The following FBXL17 variants were observed in gnomAD, a reference collection of about 807,000 sequenced individuals.
FBXL17 encodes the protein F-box/LRR-repeat protein 17.
FBXL17 carries 22 observed loss-of-function variants against 66.2 expected under a neutral mutation model. The ratio of observed to expected loss-of-function variants is 0.33; its 90% CI spans 0.24 to 0.47. The LOEUF is 0.47. Among genes scored for constraint, FBXL17 ranks in the 20% least tolerant of loss-of-function variants. FBXL17 has a pLI of 1.00. For synonymous variants in FBXL17, 474 were observed against 400.5 expected (o/e 1.18, Z -2.19); for missense variants, 878 against 948.2 (o/e 0.93, Z 0.97).
At chr5:108,256,717 TTTAC>T (rs1357923287) in intron 4 of FBXL17, among the ~76,000 whole-genome samples, 2 of 152,122 alleles carry the variant, frequency 1.3e-5, no homozygotes, top group Non-Finnish European at 2.9e-5. Flanking sequence ...ACATTTAGTC[TTTAC>T]TTAGTTATGA....
At chr5:108,155,978 C>A (rs1035753479) in intron 6 of FBXL17, among the ~76,000 whole-genome samples, 3 of 151,942 alleles carry the variant, frequency 2.0e-5, no homozygotes, top group East Asian at 1.9e-4. Context: ...AAAAGGCTAC[C>A]TTTTGCTGGA....
intron 6 of FBXL17, among the ~76,000 whole-genome samples, chr5:108,181,591 G>T (rs1295942960): frequency 6.6e-6 from 1 of 152,108 alleles, no homozygotes; most frequent in Non-Finnish European, 1.5e-5. Flanking sequence ...AAAGTTCACA[G>T]ATAAGAATTA....
chr5:108,286,068 A>G (rs1361668756), intron 4 of FBXL17, among the ~76,000 whole-genome samples: 2 of 152,000 alleles, frequency 1.3e-5, no homozygotes, highest in African/African-American at 4.8e-5. Flanking sequence ...ACATGCAGAA[A>G]AGGCTTTCAA....
At chr5:107,960,658 G>A (rs1176847710) in intron 7 of FBXL17, among the ~76,000 whole-genome samples, 3 of 152,084 alleles carry the variant, frequency 2.0e-5, no homozygotes, top group African/African-American at 7.2e-5. Flanking sequence ...AATCCATGTT[G>A]TCCCAAAGTA....
intron 4 of FBXL17, among the ~76,000 whole-genome samples, chr5:108,267,500 T>C (rs1235973061): frequency 2.0e-5 from 3 of 152,088 alleles, no homozygotes; most frequent in Non-Finnish European, 4.4e-5. Context: ...CTCCTACTAG[T>C]CATAAGTAGT....
At chr5:107,997,246 T>A (rs957868717) in intron 7 of FBXL17, among the ~76,000 whole-genome samples, 5 of 152,220 alleles carry the variant, frequency 3.3e-5, no homozygotes, top group South Asian at 2.1e-4. Context: ...TTTATCAGTA[T>A]AATACTAATA....
intron 6 of FBXL17, among the ~76,000 whole-genome samples, chr5:108,023,117 C>T (rs1754661908): frequency 6.6e-6 from 1 of 152,120 alleles, no homozygotes; most frequent in Non-Finnish European, 1.5e-5. Flanking sequence ...CCTAGCATTT[C>T]TGCTGTTCTT....
At chr5:107,943,031 C>T (rs1243188946) in intron 7 of FBXL17, among the ~76,000 whole-genome samples, 1 of 152,126 alleles carries the variant, frequency 6.6e-6, no homozygotes, top group Admixed American at 6.5e-5. Context: ...TTGTGGAATG[C>T]TCCTTGCCCT....
intron 7 of FBXL17, among the ~76,000 whole-genome samples, chr5:107,931,106 A>G (rs1440707438): frequency 1.3e-5 from 2 of 152,166 alleles, no homozygotes; most frequent in African/African-American, 4.8e-5. Flanking sequence ...AGTGATGGAC[A>G]TTTCTGAGAT....
At chr5:108,213,110 C>T (rs1026456556) in intron 5 of FBXL17, among the ~76,000 whole-genome samples, 3 of 152,228 alleles carry the variant, frequency 2.0e-5, no homozygotes, top group East Asian at 1.9e-4. Context: ...AGCTTAAAAC[C>T]GCCTACTCAA....
At chr5:108,246,162 C>A (rs1017947801) in intron 4 of FBXL17, among the ~76,000 whole-genome samples, 2 of 152,072 alleles carry the variant, frequency 1.3e-5, no homozygotes, top group African/African-American at 4.8e-5. Context: ...CAGCACAAAT[C>A]TCTCCCCCCT....
chr5:108,070,434 TATAAAATGAA>T (rs1748283795), intron 6 of FBXL17, among the ~76,000 whole-genome samples: 1 of 152,238 alleles, frequency 6.6e-6, no homozygotes, highest in Non-Finnish European at 1.5e-5. Flanking sequence ...ACTAAATTGC[TATAAAATGAA>T]AACCGAAAAA....
intron 4 of FBXL17, among the ~76,000 whole-genome samples, chr5:108,270,029 C>A (rs1685747684): frequency 6.6e-6 from 1 of 151,952 alleles, no homozygotes; most frequent in South Asian, 2.1e-4. Context: ...AGCAGCCAAA[C>A]CAAGTATCAA....
intron 6 of FBXL17, among the ~76,000 whole-genome samples, chr5:108,058,074 G>C (rs1747778906): frequency 2.0e-5 from 3 of 152,130 alleles, no homozygotes. Flanking sequence ...CTAATTCTAG[G>C]ACCACCTGCT....
At chr5:107,866,217 G>T (rs192705635) in intron 8 of FBXL17, among the ~76,000 whole-genome samples, 2 of 152,030 alleles carry the variant, frequency 1.3e-5, no homozygotes, top group Non-Finnish European at 2.9e-5. Flanking sequence ...TCTTCTTAAA[G>T]AAATATGCCG....
chr5:107,865,535 T>G (rs940499488), intron 8 of FBXL17, among the ~76,000 whole-genome samples: 1 of 152,204 alleles, frequency 6.6e-6, no homozygotes, highest in African/African-American at 2.4e-5. Flanking sequence ...GATGATGTGT[T>G]TGTTCTCTGG....
At chr5:107,864,556 T>G (rs1251687832) in intron 8 of FBXL17, among the ~76,000 whole-genome samples, 1 of 152,136 alleles carries the variant, frequency 6.6e-6, no homozygotes, top group East Asian at 1.9e-4. Flanking sequence ...TAAGGCCTGG[T>G]GGGAGGTGTT....
Position 108,334,490 on chromosome 5 carries a change from G to A in FBXL17, c.1506+13909C>T, listed in dbSNP as rs74824317. Among the ~76,000 whole-genome samples the A allele has an allele frequency of 8.9e-4, 136 of 152,248 alleles. 1 individual carries two copies. The highest frequency in any genetic ancestry group is 3.0e-3 in the African/African-American group (123 of 41,548). On this transcript the variant is annotated intron_variant, in intron 4 of 8. Coordinates refer to ENST00000542267, the MANE Select transcript of FBXL17 (RefSeq NM_001163315.3). ...ACCTGACAACGCCTATGGGCCATGC[G>A]ATGTGCTGCCAACAGAATGTTCCCC...
At chr5:107,972,010 C>A (rs1752391778) in intron 7 of FBXL17, among the ~76,000 whole-genome samples, 2 of 152,226 alleles carry the variant, frequency 1.3e-5, no homozygotes, top group Non-Finnish European at 2.9e-5. Context: ...TTAGAGCCCT[C>A]TCTGAACATG....
Sources: allele counts gnomAD v4.1 joint callset (sites outside exome capture counted in the v4.1 genomes callset), GRCh38; gene constraint gnomAD v4.1.1; transcripts MANE v1.5; gene names NCBI Gene and HGNC (gene_info 2026-07-23, HGNC 2026-07-21).